Variants in TSPAN6 observed in about 807,000 individuals in gnomAD.
The protein encoded by TSPAN6 is tetraspanin-6.
Under a neutral mutation model 18.0 loss-of-function variants are expected in TSPAN6, and 13 were observed. That is an observed-to-expected ratio of 0.72 (90% CI 0.47 to 1.15). TSPAN6 has a LOEUF of 1.15. Ranked by LOEUF, TSPAN6 falls within the 50% of genes most tolerant of loss-of-function variation. The pLI, the probability that TSPAN6 is intolerant of heterozygous loss-of-function variation, is 0.00. For synonymous variants in TSPAN6, 82 were observed against 67.0 expected (o/e 1.22, Z -1.09); for missense variants, 186 against 183.9 (o/e 1.01, Z -0.07).
chrX:100,630,015 C>T, intron 7 of TSPAN6, 29 bp from the exon 8 acceptor site: 1 of 737,848 alleles, frequency 1.4e-6, no homozygotes, highest in Non-Finnish European at 1.6e-6. Context: ...AGTTAATGTA[C>T]TTGTTACCCA....
intron 3 of TSPAN6, among the ~76,000 whole-genome samples, chrX:100,634,648 C>T (rs962441590): frequency 6.3e-5 from 7 of 110,356 alleles, no homozygotes; most frequent in Non-Finnish European, 1.3e-4. Flanking sequence ...CCTACCACCA[C>T]GCCCGGCTAA....
rs945889442 is a variant in TSPAN6, at chrX:100,629,769, T to A, written c.*257A>T. On this transcript the variant is annotated 3_prime_UTR_variant, in exon 8 of 8. Transcript: ENST00000373020. Reference sequence around the variant, plus strand: ...TTTCAACGATCTAACATGAATGGGATAGAAGGTGGACTTAGAACATAGCAA... The same window carrying A: ...TTTCAACGATCTAACATGAATGGGAAAGAAGGTGGACTTAGAACATAGCAA... The A allele has an allele frequency of 8.7e-6, 1 of 114,519 alleles. No homozygotes were observed. Among genetic ancestry groups the A allele is most frequent in the African/African-American group, 3.2e-5 (1 of 30,880 alleles). 9.4% of individuals were successfully genotyped at this position (114,519 alleles called of 1,213,427 possible).
Position 100,629,994 on chromosome X carries a change from T to G in TSPAN6, c.*40-8A>C. ...GGGGGGACCCTAAATGTCCTAAAAT[T>G]AAAGAAAAAAAGTTAATGTACTTGT... On this transcript the variant is annotated splice_polypyrimidine_tract_variant and splice_region_variant and intron_variant, in intron 7 of 7. Transcript: ENST00000373020. 1 of 751,653 alleles carries G rather than the reference T, an allele frequency of 1.3e-6. No individual in the cohort carries two copies. The highest frequency in any genetic ancestry group is 2.3e-5 in the African/African-American group (1 of 43,719). The allele number at this position is 751,653 out of a possible 1,213,427, so 61.9% of individuals were successfully genotyped here. A position where few individuals can be genotyped will look rare whatever the true frequency, so the allele number is the denominator to read the frequency against.
chrX:100,636,049 G>C (rs756457002), intron 1 of TSPAN6: 1 of 552,894 alleles, frequency 1.8e-6, no homozygotes, highest in East Asian at 7.3e-5. Flanking sequence ...AACCTTGAAG[G>C]GGAAAAAAAA....
Position 100,633,943 on chromosome X carries a change from C to G in TSPAN6, c.438G>C (p.Lys146Asn), listed in dbSNP as rs762050892. Reference sequence around the variant, plus strand: ...GGTTACCACTTACCGTATTTTGGATCTTGTCTACTGCATGGCTTCTATAAT... The same window carrying G: ...GGTTACCACTTACCGTATTTTGGATGTTGTCTACTGCATGGCTTCTATAAT... The part of the protein sequence containing the change: ...TGDYRSHAVD[K>N]IQNTLHCCGV... The change falls in exon 4 of 8, where the codon AAG becomes AAC. Residue 146 changes from lysine to asparagine, a missense_variant. By Grantham distance (94) the Lys-to-Asn change is moderately conservative (BLOSUM62 0). Coordinates refer to ENST00000373020, the MANE Select transcript of TSPAN6 (RefSeq NM_003270.4). 4 of 1,192,879 alleles carry G rather than the reference C, an allele frequency of 3.4e-6. No individual in the cohort carries two copies. The South Asian group carries it at 7.2e-5, about 21-fold the overall frequency.
In TSPAN6 at chrX:100,629,977, C is replaced by G; in HGVS notation, c.*49G>C. 6 of 752,096 alleles carry G rather than the reference C, an allele frequency of 8.0e-6. No homozygotes were observed. The highest frequency in any genetic ancestry group is 9.4e-6 in the Non-Finnish European group (6 of 637,783). The allele number at this position is 752,096 out of a possible 1,213,427, so 62.0% of individuals were successfully genotyped here. A position where few individuals can be genotyped will look rare whatever the true frequency, so the allele number is the denominator to read the frequency against. ...CAACTTTCTAATTCACAGGGGGGACCCTAAATGTCCTAAAATTAAAGAAAA... is the reference window on the plus strand; with the variant it reads ...CAACTTTCTAATTCACAGGGGGGACGCTAAATGTCCTAAAATTAAAGAAAA... On this transcript the variant is annotated 3_prime_UTR_variant, in exon 8 of 8. Coordinates refer to ENST00000373020, the MANE Select transcript of TSPAN6 (RefSeq NM_003270.4).
rs2083047840 is a variant in TSPAN6, at chrX:100,629,903, G to A, written c.*123C>T. The A allele has an allele frequency of 1.7e-6, 1 of 605,332 alleles. No homozygotes were observed. Among genetic ancestry groups the A allele is most frequent in the Non-Finnish European group, 2.0e-6 (1 of 503,327 alleles). The allele number at this position is 605,332 out of a possible 1,213,427, so 49.9% of individuals were successfully genotyped here. A position where few individuals can be genotyped will look rare whatever the true frequency, so the allele number is the denominator to read the frequency against. ...ATCTTGATTGAATCAACCTACTGGT[G>A]TAGTTTTTTGGTCTATCAGTAAGTA... is the stretch of plus-strand genomic sequence containing the variant. On this transcript the variant is annotated 3_prime_UTR_variant, in exon 8 of 8. Transcript: ENST00000373020.
Position 100,628,539 on chromosome X carries a change from C to T in TSPAN6, c.*1487G>A, listed in dbSNP as rs2083038759. ...GAGACTCAAAACCAAAGAAATAATTCCCTGACTTCAACTCAAATTTTAGTA... is the reference window on the plus strand; with the variant it reads ...GAGACTCAAAACCAAAGAAATAATTTCCTGACTTCAACTCAAATTTTAGTA... On this transcript the variant is annotated 3_prime_UTR_variant, in exon 8 of 8. Coordinates refer to ENST00000373020, the MANE Select transcript of TSPAN6 (RefSeq NM_003270.4). 1 of 111,614 alleles carries T rather than the reference C, an allele frequency of 9.0e-6. No homozygotes were observed. Among genetic ancestry groups the T allele is most frequent in the Admixed American group, 9.5e-5 (1 of 10,512 alleles). The allele number at this position is 111,614 out of a possible 1,213,427, so 9.2% of individuals were successfully genotyped here.
intron 4 of TSPAN6, 74 bp downstream of exon 4, chrX:100,633,857 T>C (rs1487261702): frequency 1.8e-5 from 13 of 742,167 alleles, no homozygotes; most frequent in Non-Finnish European, 2.4e-5. Context: ...GGATAACATC[T>C]AGTAGCCAGA....
At chrX:100,636,894 T>A, upstream of TSPAN6, 1 of 341,746 alleles carries the variant, frequency 2.9e-6, no homozygotes, top group Non-Finnish European at 4.9e-6. Context: ...GAGCGCCCCC[T>A]GCCGAAGGTT....
chrX:100,629,440 G>A lies in TSPAN6; in HGVS notation c.*586C>T, dbSNP rs953287311. 4 of 111,679 alleles carry A rather than the reference G, an allele frequency of 3.6e-5. No individual in the cohort carries two copies. Among genetic ancestry groups the A allele is most frequent in the Non-Finnish European group, 7.5e-5 (4 of 53,129 alleles). 9.2% of individuals were successfully genotyped at this position (111,679 alleles called of 1,213,427 possible). ...TGACTGAAATTAAATTACACAATGT[G>A]ACTCTCTGCCTGTCAGCAGAACAGA... On this transcript the variant is annotated 3_prime_UTR_variant, in exon 8 of 8. Coordinates refer to ENST00000373020, the MANE Select transcript of TSPAN6 (RefSeq NM_003270.4).
rs776353108 is a variant in TSPAN6, at chrX:100,636,714, A to C, written c.-20T>G. 2.5e-6 allele frequency: 3 copies of C among 1,183,511 alleles called. No homozygotes were observed. The highest frequency in any genetic ancestry group is 3.4e-6 in the Non-Finnish European group (3 of 882,627). Reference sequence around the variant, plus strand: ...CGCCATGACTAGCCCGAGACCCTGCACCACCGCACCGGGCGATTGGAACAC... The same window carrying C: ...CGCCATGACTAGCCCGAGACCCTGCCCCACCGCACCGGGCGATTGGAACAC... On this transcript the variant is annotated 5_prime_UTR_variant, in exon 1 of 8. Coordinates refer to ENST00000373020, the MANE Select transcript of TSPAN6 (RefSeq NM_003270.4).
At chrX:100,630,436 C>G (rs1410833833) in intron 7 of TSPAN6, among the ~76,000 whole-genome samples, 1 of 111,367 alleles carries the variant, frequency 9.0e-6, no homozygotes, top group Non-Finnish European at 1.9e-5. Flanking sequence ...TGTTTCTCCT[C>G]TCTCCAGGCC....
At position 100,627,688 on chromosome X, in the gene TSPAN6, A is replaced by C. The variant is rs756264601; in HGVS notation, c.*2338T>G. Reference sequence around the variant, plus strand: ...AAGGGCGTTTTCTAACTGGCTATCCAAAATAAACCCATCTTAAAAATAAAC... The same window carrying C: ...AAGGGCGTTTTCTAACTGGCTATCCCAAATAAACCCATCTTAAAAATAAAC... On this transcript the variant is annotated 3_prime_UTR_variant, in exon 8 of 8. Transcript: ENST00000373020. 2 of 112,624 alleles carry C rather than the reference A, an allele frequency of 1.8e-5. No individual in the cohort carries two copies. Among genetic ancestry groups the C allele is most frequent in the South Asian group, 7.4e-4 (2 of 2,708 alleles). 9.3% of individuals were successfully genotyped at this position (112,624 alleles called of 1,213,427 possible).
rs1479810826 is a variant in TSPAN6, at chrX:100,635,620, T to C, written c.214A>G (p.Ile72Val). ...AAACAACCAAAGGTGCCCAAAAGAA[T>C]AATGACGGTACCAGTAGCAATGAGC... The part of the protein sequence containing the change: ...FVLIATGTVI[I>V]LLGTFGCFAT... The change falls in exon 2 of 8, where the codon ATT becomes GTT. Residue 72 changes from isoleucine (I) to valine (V), a missense_variant. By Grantham distance (29) the Ile-to-Val change is conservative. Coordinates refer to ENST00000373020, the MANE Select transcript of TSPAN6 (RefSeq NM_003270.4). 2 of 1,202,205 alleles carry C rather than the reference T, an allele frequency of 1.7e-6. No homozygotes were observed. Among genetic ancestry groups the C allele is most frequent in the Non-Finnish European group, 2.2e-6 (2 of 890,190 alleles).
rs1444537601 is a variant in TSPAN6, at chrX:100,628,598, C to T, written c.*1428G>A. On this transcript the variant is annotated 3_prime_UTR_variant, in exon 8 of 8. Coordinates refer to ENST00000373020, the MANE Select transcript of TSPAN6 (RefSeq NM_003270.4). ...TTTCCTTATTAATTTCCCTATTATCCTGAAGATACAGGTTACATCCCTCCC... is the reference window on the plus strand; with the variant it reads ...TTTCCTTATTAATTTCCCTATTATCTTGAAGATACAGGTTACATCCCTCCC... The T allele has an allele frequency of 1.8e-5, 2 of 111,964 alleles. No individual in the cohort carries two copies. Among genetic ancestry groups the T allele is most frequent in the Admixed American group, 9.5e-5 (1 of 10,547 alleles). 9.2% of individuals were successfully genotyped at this position (111,964 alleles called of 1,213,427 possible).
intron 6 of TSPAN6, among the ~76,000 whole-genome samples, chrX:100,631,500 A>C (rs1237708005): frequency 8.9e-6 from 1 of 112,178 alleles, no homozygotes; most frequent in Admixed American, 9.5e-5. Flanking sequence ...ATAAAAAAAA[A>C]CGTTCAGAGC....
rs1200267630 is a variant in TSPAN6, at chrX:100,636,591, G to A, written c.87+17C>T. 8.4e-7 allele frequency: 1 copy of A among 1,194,562 alleles called. No individual in the cohort carries two copies. Among genetic ancestry groups the A allele is most frequent in the Non-Finnish European group, 1.1e-6 (1 of 886,956 alleles). Reference sequence around the variant, plus strand: ...GCCCGGGATCCCCTGCCGGCCCCAGGCGCCTTCGTCTCTCACCCAGAAAAT... The same window carrying A: ...GCCCGGGATCCCCTGCCGGCCCCAGACGCCTTCGTCTCTCACCCAGAAAAT... On this transcript the variant is annotated intron_variant, in intron 1 of 7. Transcript: ENST00000373020.
Position 100,630,774 on chromosome X carries a change from G to A in TSPAN6, c.*24C>T, listed in dbSNP as rs2083053538. 8.3e-7 allele frequency: 1 copy of A among 1,201,918 alleles called. No individual in the cohort carries two copies. The highest frequency in any genetic ancestry group is 2.2e-5 in the Admixed American group (1 of 45,522). On this transcript the variant is annotated 3_prime_UTR_variant, in exon 7 of 8. Transcript: ENST00000373020. Reference sequence around the variant, plus strand: ...ATGAACGCACCTTAAAGGTAGAGAGGAATAGGCCCACAGATACATTGGGTT... The same window carrying A: ...ATGAACGCACCTTAAAGGTAGAGAGAAATAGGCCCACAGATACATTGGGTT...
Sources: allele counts gnomAD v4.1 joint callset (sites outside exome capture counted in the v4.1 genomes callset), GRCh38; gene constraint gnomAD v4.1.1; transcripts MANE v1.5; gene names NCBI Gene and HGNC (gene_info 2026-07-23, HGNC 2026-07-21).